The following SGSM1 variants were observed in gnomAD, a reference collection of about 807,000 sequenced individuals.
The protein encoded by SGSM1 is RUN and TBC1 domain containing 2.
In SGSM1, 73 loss-of-function variants were observed where a neutral mutation model predicts 133.8. The ratio of observed to expected loss-of-function variants is 0.55; its 90% CI spans 0.45 to 0.66. SGSM1 has a LOEUF of 0.66. Among genes scored for constraint, SGSM1 ranks in the 30% least tolerant of loss-of-function variants. The probability of loss-of-function intolerance (pLI) is 0.00; values close to 1 mark genes in which losing one functional copy is unlikely to be tolerated. For synonymous variants in SGSM1, 563 were observed against 573.0 expected, an observed-to-expected ratio of 0.98 and a Z score of 0.25; for missense variants, 1,213 against 1,448.1, an observed-to-expected ratio of 0.84 and a Z score of 2.64.
At position 24,868,473 on chromosome 22, in the gene SGSM1, G is replaced by A. The variant is rs758101180; in HGVS notation, c.1092G>A (p.Ser364=). ...GCGGGCACCTCCTGCAGTTCCTCTC[G>A]TGCCTGGAGAATGGGCTGCTCCCAC... ...PKGGHLLQFL[S]CLENGLLPHG... The change falls in exon 11 of 25, where the codon TCG becomes TCA. Residue 364 remains serine (S), a synonymous_variant. Coordinates refer to ENST00000400358, the MANE Select transcript of SGSM1 (RefSeq NM_001098497.3). 28 of 1,613,638 alleles carry A rather than the reference G, an allele frequency of 1.7e-5. No individual in the cohort carries two copies. The highest frequency in any genetic ancestry group is 2.2e-5 in the South Asian group (2 of 91,074).
chr22:24,869,786 G>A (rs559898781), intron 12 of SGSM1, among the ~76,000 whole-genome samples: 27 of 152,318 alleles, frequency 1.8e-4, no homozygotes, highest in African/African-American at 6.5e-4. Context: ...CAAGCAGGTT[G>A]CACGGTGCCT....
At chr22:24,826,237 A>G (rs1928792960) in intron 2 of SGSM1, among the ~76,000 whole-genome samples, 1 of 152,250 alleles carries the variant, frequency 6.6e-6, no homozygotes, top group African/African-American at 2.4e-5. Context: ...TCAGAGAATC[A>G]ATCAATAATC....
chr22:24,888,930 A>G (rs943788361), intron 16 of SGSM1, among the ~76,000 whole-genome samples: 34 of 142,590 alleles, frequency 2.4e-4, no homozygotes, highest in Admixed American at 5.0e-4. Flanking sequence ...AAATGTTTTC[A>G]TAGTCACCTT....
At chr22:24,857,240 A>T (rs1930849123) in intron 8 of SGSM1, among the ~76,000 whole-genome samples, 1 of 131,908 alleles carries the variant, frequency 7.6e-6, no homozygotes, top group Non-Finnish European at 1.6e-5. Context: ...TATCTCTACT[A>T]AAAATACAAA....
chr22:24,899,138 C>T (rs1227994240), intron 19 of SGSM1, among the ~76,000 whole-genome samples: 1 of 150,220 alleles, frequency 6.7e-6, no homozygotes, highest in Non-Finnish European at 1.5e-5. Flanking sequence ...ATGTAGTAAA[C>T]TGTCCTAATT....
chr22:24,818,763 A>G (rs971030578), intron 2 of SGSM1, among the ~76,000 whole-genome samples: 1 of 152,184 alleles, frequency 6.6e-6, no homozygotes, highest in Non-Finnish European at 1.5e-5. Flanking sequence ...GATGATTGCA[A>G]TACGGTTTCC....
chr22:24,817,711 C>T lies in SGSM1; in HGVS notation c.63+11227C>T, dbSNP rs112871112. Among the ~76,000 whole-genome samples, 700 of 151,888 alleles carry T rather than the reference C, an allele frequency of 4.6e-3. 8 individuals carry two copies. The highest frequency in any genetic ancestry group is 0.015 in the African/African-American group (624 of 41,520). On this transcript the variant is annotated intron_variant, in intron 2 of 24. Transcript: ENST00000400358. ...AATCCACAACCCAAATACCCAAGTACGGTTTAGCATCACCCTGTGTCTTGT... is the reference window on the plus strand; with the variant it reads ...AATCCACAACCCAAATACCCAAGTATGGTTTAGCATCACCCTGTGTCTTGT...
At chr22:24,816,819 G>A (rs908743709) in intron 2 of SGSM1, among the ~76,000 whole-genome samples, 4 of 152,176 alleles carry the variant, frequency 2.6e-5, no homozygotes, top group African/African-American at 9.7e-5. Flanking sequence ...GCCTCTCTGT[G>A]GGGAGGTAGA....
intron 2 of SGSM1, among the ~76,000 whole-genome samples, chr22:24,843,029 G>T (rs547021163): frequency 6.6e-6 from 1 of 151,392 alleles, no homozygotes; most frequent in South Asian, 2.1e-4. Context: ...AGCCATGATG[G>T]GAGAAAAAAA....
rs565934018 is a variant in SGSM1, at chr22:24,806,251, G to C, written c.-75G>C. ...CCGCCCCGCCGCGGCTGCAGCAGCA[G>C]CGCCGCGGCCGGAGGAGCTACCGCC... On this transcript the variant is annotated 5_prime_UTR_variant, in exon 1 of 25. Transcript: ENST00000400358. The C allele has an allele frequency of 1.3e-4, 177 of 1,341,184 alleles. 2 individuals are homozygous for C. In the South Asian group the frequency reaches 3.1e-3, roughly 23 times the overall value. 83.1% of individuals were successfully genotyped at this position (1,341,184 alleles called of 1,614,324 possible).
chr22:24,807,122 C>T (rs988633541), intron 2 of SGSM1, among the ~76,000 whole-genome samples: 23 of 152,046 alleles, frequency 1.5e-4, no homozygotes, highest in African/African-American at 5.3e-4. Flanking sequence ...ATTCCTCTGC[C>T]CCTCCACTCT....
At chr22:24,829,728 T>C (rs1929000713) in intron 2 of SGSM1, among the ~76,000 whole-genome samples, 1 of 152,104 alleles carries the variant, frequency 6.6e-6, no homozygotes. Context: ...ATCTATAAAA[T>C]GGAATGATTT....
intron 13 of SGSM1, among the ~76,000 whole-genome samples, chr22:24,877,033 G>C (rs1932059581): frequency 6.6e-6 from 1 of 152,190 alleles, no homozygotes; most frequent in Non-Finnish European, 1.5e-5. Flanking sequence ...GGGCCTGGGT[G>C]ATGGAGCAGC....
At chr22:24,876,521 G>C (rs1932030793) in intron 12 of SGSM1, 56 bp from the exon 13 acceptor site, 1 of 1,604,438 alleles carries the variant, frequency 6.2e-7, no homozygotes, top group Admixed American at 1.7e-5. Context: ...AGATTTCTGT[G>C]ACCCACATAG....
chr22:24,808,631 A>C (rs943653358), intron 2 of SGSM1, among the ~76,000 whole-genome samples: 5 of 152,198 alleles, frequency 3.3e-5, no homozygotes, highest in Non-Finnish European at 7.4e-5. Context: ...AGAGAACACC[A>C]GTAAGACATC....
intron 8 of SGSM1, among the ~76,000 whole-genome samples, chr22:24,856,857 C>T (rs1488204430): frequency 2.0e-5 from 3 of 151,660 alleles, no homozygotes; most frequent in Non-Finnish European, 4.4e-5. Flanking sequence ...CAAGCTCCAC[C>T]TCCCAGGTTC....
Position 24,836,867 on chromosome 22 carries a change from G to A in SGSM1, c.64-8030G>A, listed in dbSNP as rs1332802617. ...TTGCAGATATTTTCTTCTATTTCAC[G>A]GGTTGCCGTTTTCACTGTTTATTTT... On this transcript the variant is annotated intron_variant, in intron 2 of 24. Coordinates refer to ENST00000400358, the MANE Select transcript of SGSM1 (RefSeq NM_001098497.3). 1.3e-5 allele frequency among the ~76,000 whole-genome samples: 2 copies of A among 152,036 alleles called. 1 individual carries two copies. The highest frequency in any genetic ancestry group is 2.9e-5 in the Non-Finnish European group (2 of 68,022).
chr22:24,850,599 C>T (rs1669647056), intron 5 of SGSM1, among the ~76,000 whole-genome samples, 167 bp downstream of exon 5: 1 of 152,160 alleles, frequency 6.6e-6, no homozygotes, highest in Non-Finnish European at 1.5e-5. Context: ...AGCTTAATGG[C>T]AGTGCAAGGT....
At chr22:24,858,635 C>CAAAAAAAAAAAAAAAAAAAAAAA (rs139699) in intron 8 of SGSM1, among the ~76,000 whole-genome samples, 1 of 82,972 alleles carries the variant, frequency 1.2e-5, no homozygotes, top group Admixed American at 1.4e-4. Context: ...GACTCCATCT[C>CAAAAAAAAAAAAAAAAAAAAAAA]AAAAAAAAAA....
Sources: allele counts gnomAD v4.1 joint callset (sites outside exome capture counted in the v4.1 genomes callset), GRCh38; gene constraint gnomAD v4.1.1; transcripts MANE v1.5; gene names NCBI Gene and HGNC (gene_info 2026-07-23, HGNC 2026-07-21).